CEP112: variants seen among roughly 807,000 people sequenced by gnomAD.
The protein encoded by CEP112 is centrosomal protein of 112 kDa.
CEP112 carries 127 observed loss-of-function variants against 153.0 expected under a neutral mutation model. That is an observed-to-expected ratio of 0.83 (90% confidence interval 0.72 to 0.96). The LOEUF (loss-of-function observed/expected upper bound fraction) is 0.96. Ranked by LOEUF, CEP112 falls within the 40% of genes least tolerant of loss-of-function variation. The pLI is 0.00. For synonymous variants in CEP112, 358 were observed against 374.4 expected (o/e 0.96, Z 0.51); for missense variants, 1,089 against 1,101.2 (o/e 0.99, Z 0.16).
chr17:66,186,532 G>A (rs540930533), intron 1 of CEP112, among the ~76,000 whole-genome samples: 11 of 152,084 alleles, frequency 7.2e-5, no homozygotes, highest in East Asian at 1.9e-4. Context: ...CTCGTGATCC[G>A]CCTGCCTCGG....
At chr17:66,136,982 T>C (rs906852177) in intron 4 of CEP112, among the ~76,000 whole-genome samples, 1 of 151,398 alleles carries the variant, frequency 6.6e-6, no homozygotes, top group Non-Finnish European at 1.5e-5. Flanking sequence ...TCAAGGAAAA[T>C]GAAAAATGGC....
intron 4 of CEP112, among the ~76,000 whole-genome samples, chr17:66,156,613 T>C (rs1328321608): frequency 1.3e-5 from 2 of 152,092 alleles, no homozygotes; most frequent in Admixed American, 6.6e-5. Context: ...TCTAACCCAA[T>C]GCAAGGAAGC....
chr17:65,928,552 C>T (rs984701903), intron 18 of CEP112, among the ~76,000 whole-genome samples: 2 of 152,020 alleles, frequency 1.3e-5, no homozygotes, highest in South Asian at 2.1e-4. Flanking sequence ...ATAAACAAAA[C>T]GTGGTATATT....
At chr17:65,694,017 T>C (rs927235298) in intron 23 of CEP112, among the ~76,000 whole-genome samples, 1 of 152,036 alleles carries the variant, frequency 6.6e-6, no homozygotes. Context: ...AAATAAGCTT[T>C]TGTGTTTAGG....
intron 23 of CEP112, among the ~76,000 whole-genome samples, chr17:65,722,049 T>C (rs1279540182): frequency 1.3e-5 from 2 of 152,104 alleles, no homozygotes; most frequent in African/African-American, 4.8e-5. Context: ...GTAAAAGTAG[T>C]GTTTTCATTT....
intron 8 of CEP112, among the ~76,000 whole-genome samples, chr17:66,082,655 T>A (rs1051653093): frequency 6.6e-6 from 1 of 151,608 alleles, no homozygotes; most frequent in Non-Finnish European, 1.5e-5. Flanking sequence ...CCCAGCTACT[T>A]GGGAGGCTGA....
chr17:66,029,306 A>G (rs1391929479), intron 13 of CEP112, 54 bp from the exon 14 acceptor site: 1 of 1,504,768 alleles, frequency 6.6e-7, no homozygotes, highest in South Asian at 1.2e-5. Flanking sequence ...CAATCTCTAA[A>G]ATGAAATTTT....
intron 6 of CEP112, among the ~76,000 whole-genome samples, chr17:66,109,371 T>C (rs1268309747): frequency 3.3e-5 from 5 of 152,144 alleles, no homozygotes; most frequent in African/African-American, 1.2e-4. Context: ...TATCAAAATA[T>C]CTCATTTACC....
chr17:65,945,676 C>T (rs1298853441), intron 18 of CEP112, among the ~76,000 whole-genome samples: 1 of 152,036 alleles, frequency 6.6e-6, no homozygotes, highest in African/African-American at 2.4e-5. Flanking sequence ...GATGAAGTCT[C>T]GCTCTTGTCC....
chr17:66,068,506 G>C (rs1193330157), intron 9 of CEP112, among the ~76,000 whole-genome samples: 1 of 152,050 alleles, frequency 6.6e-6, no homozygotes, highest in Non-Finnish European at 1.5e-5. Flanking sequence ...TATACTAATA[G>C]GTAAAACACT....
intron 19 of CEP112, among the ~76,000 whole-genome samples, chr17:65,915,787 C>CAAAAAAA (rs755351021): frequency 4.6e-4 from 26 of 56,480 alleles, no homozygotes; most frequent in Non-Finnish European, 5.9e-4. Flanking sequence ...GACTCAAACT[C>CAAAAAAA]AAAAAAAAAA....
chr17:65,877,289 G>A (rs2058867903), intron 20 of CEP112, among the ~76,000 whole-genome samples: 1 of 152,260 alleles, frequency 6.6e-6, no homozygotes, highest in Non-Finnish European at 1.5e-5. Flanking sequence ...GGAAGAACAA[G>A]TGTGGCCAGG....
intron 24 of CEP112, among the ~76,000 whole-genome samples, chr17:65,679,280 T>A (rs1415951579): frequency 6.6e-6 from 1 of 151,832 alleles, no homozygotes. Flanking sequence ...TCATACCAGC[T>A]GTCTGGGAAC....
intron 15 of CEP112, among the ~76,000 whole-genome samples, chr17:66,028,055 T>C (rs562559797): frequency 8.8e-6 from 1 of 113,342 alleles, no homozygotes; most frequent in South Asian, 2.3e-4. Context: ...TAATGATATA[T>C]TTAAATAAAA....
At chr17:65,689,246 T>C (rs751537149) in intron 23 of CEP112, 28 bp from the exon 24 acceptor site, 3 of 1,508,200 alleles carry the variant, frequency 2.0e-6, no homozygotes, top group East Asian at 2.3e-5. Flanking sequence ...AAAGATATCA[T>C]TAATAATTAG....
intron 21 of CEP112, chr17:65,804,399 C>T (rs868175055): frequency 1.1e-4 from 16 of 152,114 alleles, no homozygotes; most frequent in African/African-American, 3.1e-4. Context: ...TCACTCAACA[C>T]GTATGTTTGA....
rs564215733 is a variant in CEP112, at chr17:65,934,314, G to C, written c.1873-6625C>G. Among the ~76,000 whole-genome samples, 62 of 152,336 alleles carry C rather than the reference G, an allele frequency of 4.1e-4. 1 individual carries two copies. Among genetic ancestry groups the C allele is most frequent in the Admixed American group, 3.0e-3 (46 of 15,304 alleles). On this transcript the variant is annotated intron_variant, in intron 18 of 26. Transcript: ENST00000535342. ...GCAATAAAGTTATTATCATCTTGAAGTAGCCTGTTATAAGTAGAAGATGTT... is the reference window on the plus strand; with the variant it reads ...GCAATAAAGTTATTATCATCTTGAACTAGCCTGTTATAAGTAGAAGATGTT...
At position 65,660,826 on chromosome 17, in the gene CEP112, C is replaced by T. The variant is rs574059829; in HGVS notation, c.2698-19761G>A. On this transcript the variant is annotated intron_variant, in intron 24 of 26. Transcript: ENST00000535342. Reference sequence around the variant, plus strand: ...ATCCACCCACTTTGGCTTCCCACAGCGCCGCCTGGCCATACCTTGATTTCT... The same window carrying T: ...ATCCACCCACTTTGGCTTCCCACAGTGCCGCCTGGCCATACCTTGATTTCT... Among the ~76,000 whole-genome samples, 22 of 152,212 alleles carry T rather than the reference C, an allele frequency of 1.4e-4. No homozygotes were observed. The South Asian group carries it at 3.1e-3, about 22-fold the overall frequency.
chr17:65,851,927 C>T lies in CEP112; in HGVS notation c.2271G>A (p.Glu757=), dbSNP rs757132311. 6.7e-5 allele frequency: 108 copies of T among 1,613,966 alleles called. No individual in the cohort carries two copies. The highest frequency in any genetic ancestry group is 9.2e-5 in the Non-Finnish European group (108 of 1,180,002). ...QLVELGLLRE[E]EKQRATREHE... ...GTTCCCTTGTAGCCCTTTGCTTTTC[C>T]TCTTCACGAAGAAGACCAAGCTCTA... Residue 757 remains glutamate (E), a synonymous_variant, in exon 21 of 27, where the codon GAG becomes GAA. Transcript: ENST00000535342.
Sources: gnomAD v4.1 joint callset for allele counts (sites outside exome capture counted in the v4.1 genomes callset) on GRCh38, gnomAD v4.1.1 for gene constraint, MANE v1.5 for transcripts, NCBI Gene and HGNC (gene_info 2026-07-23, HGNC 2026-07-21) for gene names.